Variants in PRKAR1A observed in about 807,000 individuals in gnomAD.
The protein encoded by PRKAR1A is protein kinase cAMP-dependent type I regulatory subunit alpha.
Under a neutral mutation model 52.0 loss-of-function variants are expected in PRKAR1A, and 3 were observed. That is an observed-to-expected ratio of 0.06 (90% CI 0.03 to 0.15). PRKAR1A has a LOEUF of 0.15. Among genes scored for constraint, PRKAR1A ranks in the 10% least tolerant of loss-of-function variants. The pLI is 1.00. For missense variants in PRKAR1A, 240 were observed against 477.4 expected, an observed-to-expected ratio of 0.50 and a Z score of 4.63; for synonymous variants, 188 against 168.4, an observed-to-expected ratio of 1.12 and a Z score of -0.90.
intron 7 of PRKAR1A, among the ~76,000 whole-genome samples, chr17:68,526,173 C>T (rs1261753449): frequency 6.6e-6 from 1 of 152,170 alleles, no homozygotes; most frequent in African/African-American, 2.4e-5. Context: ...CTGGTCATCT[C>T]ATGTTTGGAA....
chr17:68,483,438 G>A, the PRKAR1A span, among the ~76,000 whole-genome samples: 5,009 of 152,204 alleles, frequency 0.033, 277 homozygotes, highest in African/African-American at 0.11. Flanking sequence ...CTGAGATGAC[G>A]CCACTGCACT....
chr17:68,549,549 G>A (rs952322239), intron 11 of PRKAR1A, among the ~76,000 whole-genome samples: 1 of 150,674 alleles, frequency 6.6e-6, no homozygotes, highest in Admixed American at 6.6e-5. Flanking sequence ...AATTTTGCTC[G>A]GAGAACAGAA....
chr17:68,544,868 T>G (rs1284057464), intron 11 of PRKAR1A, among the ~76,000 whole-genome samples: 1 of 152,188 alleles, frequency 6.6e-6, no homozygotes, highest in African/African-American at 2.4e-5. Context: ...TCTAAAACAT[T>G]TTCTCATTTT....
the PRKAR1A span, chr17:68,420,322 G>A: frequency 6.2e-7 from 1 of 1,614,138 alleles, no homozygotes; most frequent in Non-Finnish European, 8.5e-7. Context: ...AGGCTGTGCT[G>A]CCCGAGGTCA....
At chr17:68,437,860 T>G in the PRKAR1A span, among the ~76,000 whole-genome samples, 1 of 144,652 alleles carries the variant, frequency 6.9e-6, no homozygotes, top group Non-Finnish European at 1.5e-5. Context: ...TGAATAGAGG[T>G]GCACATGATA....
chr17:68,420,590 C>A, the PRKAR1A span: 1 of 1,093,510 alleles, frequency 9.1e-7, no homozygotes, highest in Non-Finnish European at 1.3e-6. Flanking sequence ...TTGGAGTTAG[C>A]CTTGCATATC....
At chr17:68,542,014 G>T (rs762506935) in intron 11 of PRKAR1A, 1 of 1,614,096 alleles carries the variant, frequency 6.2e-7, no homozygotes, top group Non-Finnish European at 8.5e-7. Flanking sequence ...TGTAGGAGCG[G>T]ATCCAGGGGT....
the PRKAR1A span, chr17:68,427,178 C>T: frequency 1.6e-5 from 26 of 1,613,942 alleles, no homozygotes; most frequent in African/African-American, 4.0e-5. Context: ...TGGCTACGGT[C>T]GCTGCATAAG....
intron 11 of PRKAR1A, among the ~76,000 whole-genome samples, chr17:68,549,494 CA>C (rs34993560): frequency 1.9e-3 from 241 of 126,762 alleles, no homozygotes; most frequent in Admixed American, 2.3e-3. Flanking sequence ...AACTCCATCT[CA>C]AAAAAAAAAA....
At chr17:68,543,353 C>G (rs540043891) in intron 11 of PRKAR1A, among the ~76,000 whole-genome samples, 78 of 152,240 alleles carry the variant, frequency 5.1e-4, no homozygotes, top group Admixed American at 3.6e-3. Flanking sequence ...GCTCTCAGAT[C>G]AGGAAACTAG....
chr17:68,511,590 G>A (rs1408775482), upstream of PRKAR1A, among the ~76,000 whole-genome samples: 1 of 152,192 alleles, frequency 6.6e-6, no homozygotes, highest in Non-Finnish European at 1.5e-5. Context: ...CCTCCTCTTG[G>A]ACCCTGACAA....
intron 5 of PRKAR1A, among the ~76,000 whole-genome samples, chr17:68,524,580 T>G (rs1181257514): frequency 6.6e-6 from 1 of 152,218 alleles, no homozygotes; most frequent in African/African-American, 2.4e-5. Context: ...GTATATATTT[T>G]CATTTTGTGG....
At chr17:68,424,516 TTG>T in the PRKAR1A span, 1 of 534,266 alleles carries the variant, frequency 1.9e-6, no homozygotes, top group East Asian at 5.4e-5. Flanking sequence ...CTAATGGACA[TTG>T]TTTCAGTGCC....
intron 11 of PRKAR1A, among the ~76,000 whole-genome samples, chr17:68,540,151 G>A (rs1412593282): frequency 6.6e-6 from 1 of 152,208 alleles, no homozygotes; most frequent in Non-Finnish European, 1.5e-5. Flanking sequence ...GGAGAAGGAA[G>A]CGAAACAAGC....
intron 11 of PRKAR1A, among the ~76,000 whole-genome samples, chr17:68,538,945 C>T (rs770117638): frequency 6.6e-5 from 10 of 152,254 alleles, no homozygotes; most frequent in African/African-American, 1.4e-4. Context: ...GGTTTTGTCA[C>T]GGTGTGAACA....
the PRKAR1A span, among the ~76,000 whole-genome samples, chr17:68,475,773 T>C: frequency 6.6e-6 from 1 of 152,234 alleles, no homozygotes; most frequent in African/African-American, 2.4e-5. Context: ...CCTAGCCATT[T>C]TGATACACAG....
At chr17:68,540,942 G>A in intron 11 of PRKAR1A, 1 of 1,593,814 alleles carries the variant, frequency 6.3e-7, no homozygotes, top group Non-Finnish European at 8.6e-7. Flanking sequence ...TCACAGTAAA[G>A]GGGATTGACC....
chr17:68,473,490 T>A, the PRKAR1A span, among the ~76,000 whole-genome samples: 1 of 152,196 alleles, frequency 6.6e-6, no homozygotes, highest in Non-Finnish European at 1.5e-5. Context: ...AACAGTTGAT[T>A]TGGTAAATCA....
At chr17:68,476,164 A>G in the PRKAR1A span, among the ~76,000 whole-genome samples, 5 of 152,118 alleles carry the variant, frequency 3.3e-5, no homozygotes, top group Admixed American at 2.6e-4. Flanking sequence ...ATAATCTACT[A>G]TAATCTACTA....
Sources: gnomAD v4.1 joint callset for allele counts (sites outside exome capture counted in the v4.1 genomes callset) on GRCh38, gnomAD v4.1.1 for gene constraint, MANE v1.5 for transcripts, NCBI Gene and HGNC (gene_info 2026-07-23, HGNC 2026-07-21) for gene names.